Variants in TTC28 observed in about 807,000 individuals in gnomAD.
TTC28 encodes tetratricopeptide repeat protein 28.
In TTC28, 61 loss-of-function variants were observed where a neutral mutation model predicts 198.0. The observed-to-expected ratio is 0.31, with a 90% CI of 0.25 to 0.38. TTC28 has a LOEUF of 0.38. Among genes scored for constraint, TTC28 ranks in the 10% least tolerant of loss-of-function variants. The pLI, the probability that TTC28 is intolerant of heterozygous loss-of-function variation, is 1.00. For synonymous variants in TTC28, 1,171 were observed against 1,297.8 expected (o/e 0.90, Z 2.10); for missense variants, 2,678 against 3,164.0 (o/e 0.85, Z 3.69).
chr22:28,515,248 A>G (rs2048762009), intron 2 of TTC28, among the ~76,000 whole-genome samples: 1 of 152,224 alleles, frequency 6.6e-6, no homozygotes. Flanking sequence ...CCAATTTAAA[A>G]TATTTAAAAA....
At chr22:28,584,817 T>C (rs912222886) in intron 2 of TTC28, among the ~76,000 whole-genome samples, 1 of 152,208 alleles carries the variant, frequency 6.6e-6, no homozygotes, top group Admixed American at 6.5e-5. Flanking sequence ...CTGTCTGCTT[T>C]ACAAGAGAAT....
In TTC28 at chr22:28,456,211, G is replaced by A. The variant is rs541525005; in HGVS notation, c.382-149568C>T. Among the ~76,000 whole-genome samples, 324 of 150,396 alleles carry A rather than the reference G, an allele frequency of 2.2e-3. 2 individuals carry two copies. The highest frequency in any genetic ancestry group is 7.3e-3 in the African/African-American group (299 of 41,024). On this transcript the variant is annotated intron_variant, in intron 2 of 22. Transcript: ENST00000397906. ...TTCTAGATTTGGATTCTGATATTCCGCCACTAAAAAAAAAATGTGGCCATG... is the reference window on the plus strand; with the variant it reads ...TTCTAGATTTGGATTCTGATATTCCACCACTAAAAAAAAAATGTGGCCATG...
At chr22:28,439,654 TTAAA>T (rs1446579010) in intron 2 of TTC28, among the ~76,000 whole-genome samples, 1 of 152,180 alleles carries the variant, frequency 6.6e-6, no homozygotes, top group Non-Finnish European at 1.5e-5. Context: ...TGGATAAGAA[TTAAA>T]TAAACACATA....
At position 28,451,302 on chromosome 22, in the gene TTC28, G is replaced by A. The variant is rs541884457; in HGVS notation, c.382-144659C>T. ...ATGTCTTCGCAGAAGGGGTAAACTA[G>A]CCCAGACTAAAGTGTACTCTTAACT... On this transcript the variant is annotated intron_variant, in intron 2 of 22. Coordinates refer to ENST00000397906, the MANE Select transcript of TTC28 (RefSeq NM_001145418.2). Among the ~76,000 whole-genome samples, 42 of 152,240 alleles carry A rather than the reference G, an allele frequency of 2.8e-4. 2 individuals carry two copies. The highest frequency in any genetic ancestry group is 9.6e-4 in the African/African-American group (40 of 41,548).
intron 1 of TTC28, among the ~76,000 whole-genome samples, chr22:28,643,997 C>T (rs1266207094): frequency 6.6e-6 from 1 of 152,136 alleles, no homozygotes; most frequent in Non-Finnish European, 1.5e-5. Context: ...GAAAGTGTAA[C>T]AGGGTAGTAT....
rs1431160112 is a variant in TTC28 at position 28,348,521 on chromosome 22, T to C, written c.382-41878A>G. On this transcript the variant is annotated intron_variant, in intron 2 of 22. Coordinates refer to ENST00000397906, the MANE Select transcript of TTC28 (RefSeq NM_001145418.2). ...ACAGATTTTATAACATCCTTGGAAT[T>C]AACATTCACCTTAGAGGAGGTGAGG... Among the ~76,000 whole-genome samples, 3 of 152,162 alleles carry C rather than the reference T, an allele frequency of 2.0e-5. No homozygotes were observed. The East Asian group carries it at 5.8e-4, about 29-fold the overall frequency.
intron 2 of TTC28, among the ~76,000 whole-genome samples, chr22:28,424,938 T>C (rs896736869): frequency 6.6e-6 from 1 of 152,230 alleles, no homozygotes; most frequent in East Asian, 1.9e-4. Flanking sequence ...GAAGAACATT[T>C]GTGGTAGGCA....
chr22:28,490,631 A>G (rs2048364659), intron 2 of TTC28, among the ~76,000 whole-genome samples: 1 of 152,232 alleles, frequency 6.6e-6, no homozygotes, highest in Non-Finnish European at 1.5e-5. Flanking sequence ...TAAATGCTGA[A>G]CTGAATGCAG....
chr22:28,613,249 G>C (rs2050849567), intron 2 of TTC28, among the ~76,000 whole-genome samples: 1 of 152,114 alleles, frequency 6.6e-6, no homozygotes, highest in African/African-American at 2.4e-5. Context: ...ACTAAACCAA[G>C]AAGAAGTTGA....
chr22:28,055,937 T>C (rs1483237365), intron 12 of TTC28, among the ~76,000 whole-genome samples: 5 of 152,196 alleles, frequency 3.3e-5, no homozygotes, highest in African/African-American at 2.4e-5. Context: ...AATCTGTATA[T>C]AGGTATTTTA....
At chr22:28,071,746 A>AAG (rs1383301893) in intron 12 of TTC28, among the ~76,000 whole-genome samples, 31 of 141,834 alleles carry the variant, frequency 2.2e-4, no homozygotes, top group African/African-American at 8.6e-4. Flanking sequence ...AAAAAAAAAA[A>AAG]GGAAAAAAAA....
At chr22:28,392,505 G>A (rs553414040) in intron 2 of TTC28, among the ~76,000 whole-genome samples, 204 of 152,336 alleles carry the variant, frequency 1.3e-3, no homozygotes, top group Middle Eastern at 6.8e-3. Flanking sequence ...CTCCGTGGGC[G>A]TAGGACCCTC....
chr22:28,644,264 T>C (rs1000151800), intron 1 of TTC28, among the ~76,000 whole-genome samples: 3 of 151,950 alleles, frequency 2.0e-5, no homozygotes, highest in Non-Finnish European at 2.9e-5. Flanking sequence ...CCGGGCGTGG[T>C]GGCAGGCACC....
intron 2 of TTC28, among the ~76,000 whole-genome samples, chr22:28,313,704 A>C (rs980549136): frequency 2.6e-5 from 4 of 152,194 alleles, no homozygotes; most frequent in African/African-American, 9.6e-5. Context: ...GTAAGATGGA[A>C]CGTATCTCAG....
chr22:28,046,853 G>A (rs773538717), intron 12 of TTC28, among the ~76,000 whole-genome samples: 5 of 152,178 alleles, frequency 3.3e-5, no homozygotes, highest in Non-Finnish European at 5.9e-5. Context: ...GTGGATATAC[G>A]TGCATGTGTG....
chr22:28,240,290 C>T (rs1017595717), intron 5 of TTC28, among the ~76,000 whole-genome samples: 2 of 152,082 alleles, frequency 1.3e-5, no homozygotes, highest in African/African-American at 4.8e-5. Context: ...AACAGAAAGT[C>T]ATGTTCCTCA....
intron 2 of TTC28, among the ~76,000 whole-genome samples, chr22:28,351,244 A>C (rs2145931780): frequency 6.6e-6 from 1 of 152,312 alleles, no homozygotes; most frequent in East Asian, 1.9e-4. Context: ...CACTGCACAT[A>C]GAGAGCATCT....
intron 5 of TTC28, among the ~76,000 whole-genome samples, chr22:28,219,125 A>G (rs1332567907): frequency 6.6e-6 from 1 of 151,958 alleles, no homozygotes; most frequent in Non-Finnish European, 1.5e-5. Flanking sequence ...TTAAGTTCTG[A>G]CTCTGAGACT....
chr22:28,443,248 A>G (rs1203289233), intron 2 of TTC28, among the ~76,000 whole-genome samples: 4 of 152,274 alleles, frequency 2.6e-5, no homozygotes, highest in African/African-American at 7.2e-5. Flanking sequence ...TCCCTCAGAG[A>G]AGAGACTGAG....
Sources: gnomAD v4.1 joint callset for allele counts (sites outside exome capture counted in the v4.1 genomes callset) on GRCh38, gnomAD v4.1.1 for gene constraint, MANE v1.5 for transcripts, NCBI Gene and HGNC (gene_info 2026-07-23, HGNC 2026-07-21) for gene names.